ASIC2: variants seen among roughly 807,000 people sequenced by gnomAD.
The protein encoded by ASIC2 is acid sensing ion channel subunit 2.
A neutral mutation model predicts 57.3 loss-of-function variants in ASIC2; 25 were observed. That is an observed-to-expected ratio of 0.44 (90% CI 0.32 to 0.61). The LOEUF is 0.61. ASIC2 is among the 20% of genes least tolerant of loss of function. The pLI is 0.06. For synonymous variants in ASIC2, 319 were observed against 307.5 expected (o/e 1.04, Z -0.39); for missense variants, 641 against 738.1 (o/e 0.87, Z 1.52).
At chr17:33,957,256 C>G (rs1433869146) in intron 1 of ASIC2, among the ~76,000 whole-genome samples, 1 of 152,176 alleles carries the variant, frequency 6.6e-6, no homozygotes, top group Non-Finnish European at 1.5e-5. Flanking sequence ...CAGGCAACCT[C>G]AAGCACAAAG....
At chr17:33,455,031 T>A (rs1677461506) in intron 1 of ASIC2, among the ~76,000 whole-genome samples, 1 of 152,216 alleles carries the variant, frequency 6.6e-6, no homozygotes, top group Non-Finnish European at 1.5e-5. Context: ...TATACACAGA[T>A]CCTGTGTCTG....
intron 1 of ASIC2, among the ~76,000 whole-genome samples, chr17:34,089,169 C>T (rs999883045): frequency 3.9e-5 from 6 of 152,156 alleles, no homozygotes; most frequent in Non-Finnish European, 5.9e-5. Flanking sequence ...GTTCCTATTC[C>T]GCCATCCTCC....
chr17:33,993,721 GAGAGAACTGAACTGTGAT>G (rs59247131), intron 1 of ASIC2, among the ~76,000 whole-genome samples: 25,986 of 152,152 alleles, frequency 0.17, 4,321 homozygotes, highest in African/African-American at 0.42. Flanking sequence ...CTGGAAGTGG[GAGAGAACTGAACTGTGAT>G]AGTTTAGTCT....
chr17:33,453,284 GAAAAA>G (rs3057620), intron 1 of ASIC2, among the ~76,000 whole-genome samples: 2 of 129,632 alleles, frequency 1.5e-5, no homozygotes, highest in Non-Finnish European at 3.2e-5. Context: ...CAAAGCAGGT[GAAAAA>G]AAAAAAAAAA....
At chr17:34,152,829 G>T (rs1387055506) in intron 1 of ASIC2, among the ~76,000 whole-genome samples, 1 of 152,174 alleles carries the variant, frequency 6.6e-6, no homozygotes, top group Admixed American at 6.5e-5. Context: ...CATGGGCAGA[G>T]ACACAATCCC....
intron 1 of ASIC2, among the ~76,000 whole-genome samples, chr17:33,397,046 G>A (rs897390788): frequency 6.6e-6 from 1 of 152,174 alleles, no homozygotes; most frequent in Non-Finnish European, 1.5e-5. Flanking sequence ...AACATATTCC[G>A]AGTCATCCCT....
At chr17:33,535,294 A>G (rs754868793) in intron 1 of ASIC2, among the ~76,000 whole-genome samples, 3 of 140,446 alleles carry the variant, frequency 2.1e-5, no homozygotes, top group Admixed American at 1.5e-4. Flanking sequence ...TTTTTTTGAG[A>G]TGGAGTATCA....
intron 1 of ASIC2, among the ~76,000 whole-genome samples, chr17:33,676,296 A>G (rs922112906): frequency 6.6e-6 from 1 of 152,230 alleles, no homozygotes; most frequent in Non-Finnish European, 1.5e-5. Flanking sequence ...AAGGAGTCAC[A>G]CATCTCTCAC....
intron 1 of ASIC2, among the ~76,000 whole-genome samples, chr17:33,956,620 C>T (rs1408559342): frequency 1.3e-5 from 2 of 152,206 alleles, no homozygotes; most frequent in African/African-American, 4.8e-5. Context: ...AGACATTTCT[C>T]AGCCCCAGAG....
intron 1 of ASIC2, among the ~76,000 whole-genome samples, chr17:33,625,136 T>TATC (rs1380255382): frequency 6.8e-6 from 1 of 146,694 alleles, no homozygotes; most frequent in Non-Finnish European, 1.5e-5. Context: ...TCTGTCTATC[T>TATC]ATCTATCTAT....
At chr17:34,102,052 G>A (rs1476209916) in intron 1 of ASIC2, among the ~76,000 whole-genome samples, 2 of 152,186 alleles carry the variant, frequency 1.3e-5, no homozygotes, top group Admixed American at 6.5e-5. Context: ...GTTCATGCCT[G>A]TAATCCCAAC....
chr17:33,389,416 G>A (rs1050281404), intron 1 of ASIC2, among the ~76,000 whole-genome samples: 4 of 152,222 alleles, frequency 2.6e-5, no homozygotes, highest in Non-Finnish European at 5.9e-5. Flanking sequence ...AATGGATATA[G>A]TAAGACTTAC....
chr17:33,673,698 G>C (rs73279061), intron 1 of ASIC2, among the ~76,000 whole-genome samples: 2 of 152,028 alleles, frequency 1.3e-5, no homozygotes, highest in Non-Finnish European at 2.9e-5. Flanking sequence ...AAACTCTCTC[G>C]GGGAGAAACA....
chr17:33,241,479 A>G (rs914539904), intron 1 of ASIC2, among the ~76,000 whole-genome samples: 2 of 152,184 alleles, frequency 1.3e-5, no homozygotes, highest in African/African-American at 4.8e-5. Flanking sequence ...GGGGGAGTCC[A>G]CAGAATTCTG....
At chr17:33,885,398 T>G (rs1567746011) in intron 1 of ASIC2, among the ~76,000 whole-genome samples, 1 of 152,222 alleles carries the variant, frequency 6.6e-6, no homozygotes, top group South Asian at 2.1e-4. Flanking sequence ...AAAAACGTGA[T>G]CAGGTGTTAC....
intron 1 of ASIC2, among the ~76,000 whole-genome samples, chr17:33,969,486 G>T (rs956166639): frequency 6.6e-6 from 1 of 152,196 alleles, no homozygotes; most frequent in Non-Finnish European, 1.5e-5. Context: ...TAGTCTATCT[G>T]CAAGGTGGTC....
At chr17:33,480,478 T>A (rs1913367718) in intron 1 of ASIC2, among the ~76,000 whole-genome samples, 1 of 151,946 alleles carries the variant, frequency 6.6e-6, no homozygotes, top group Non-Finnish European at 1.5e-5. Flanking sequence ...GGAGCCTTCA[T>A]AAACGAGGAA....
intron 1 of ASIC2, among the ~76,000 whole-genome samples, chr17:33,536,543 T>C (rs1915236030): frequency 6.6e-6 from 1 of 152,194 alleles, no homozygotes; most frequent in Non-Finnish European, 1.5e-5. Flanking sequence ...CTGAATATTT[T>C]CCAAGTTTCA....
chr17:33,222,274 C>T (rs935270561), intron 1 of ASIC2, among the ~76,000 whole-genome samples: 1 of 152,166 alleles, frequency 6.6e-6, no homozygotes, highest in Admixed American at 6.5e-5. Context: ...CTGATATATG[C>T]TACAACATGG....
Sources: gnomAD v4.1 joint callset for allele counts (sites outside exome capture counted in the v4.1 genomes callset) on GRCh38, gnomAD v4.1.1 for gene constraint, MANE v1.5 for transcripts, NCBI Gene and HGNC (gene_info 2026-07-23, HGNC 2026-07-21) for gene names.